The following HYDIN variants were observed in gnomAD, a reference collection of about 807,000 sequenced individuals.
The protein encoded by HYDIN is HYDIN axonemal central pair apparatus protein.
HYDIN carries 132 observed loss-of-function variants against 403.9 expected under a neutral mutation model. The observed-to-expected ratio is 0.33, with a 90% CI of 0.28 to 0.38. The LOEUF is 0.38. HYDIN is among the 10% of genes least tolerant of loss of function. HYDIN has a pLI of 1.00. For missense variants in HYDIN, 2,827 were observed against 5,009.5 expected (o/e 0.56, Z 13.15); for synonymous variants, 1,202 against 1,891.7 (o/e 0.64, Z 9.46).
At chr16:70,838,178 ATTTCTTTC>A (rs562861473) in intron 76 of HYDIN, among the ~76,000 whole-genome samples, 7 of 151,288 alleles carry the variant, frequency 4.6e-5, no homozygotes, top group South Asian at 2.1e-4. Context: ...CCGATTCTGT[ATTTCTTTC>A]TTTCTTTCTT....
At chr16:70,896,170 G>C (rs1288340272) in intron 53 of HYDIN, 90 bp from the exon 54 acceptor site, 9 of 1,518,008 alleles carry the variant, frequency 5.9e-6, no homozygotes, top group Non-Finnish European at 7.9e-6. Context: ...GGATACGGCA[G>C]GGAACGTTTT....
At position 70,934,320 on chromosome 16, in the gene HYDIN, G is replaced by T. The variant is rs531881883; in HGVS notation, c.7158+1632C>A. ...TGGGGTGCTTGTCGGGGGCACCAGG[G>T]TTGAAGAAAACTTTTTTTTTTTTCA... is the stretch of plus-strand genomic sequence containing the variant. On this transcript the variant is annotated intron_variant, in intron 45 of 85. Coordinates refer to ENST00000393567, the MANE Select transcript of HYDIN (RefSeq NM_001270974.2). Among the ~76,000 whole-genome samples the T allele has an allele frequency of 3.2e-3, 493 of 152,152 alleles. 2 individuals carry two copies. Among genetic ancestry groups the T allele is most frequent in the African/African-American group, 0.011 (465 of 41,494 alleles).
chr16:70,909,838 G>A (rs1485052995), intron 47 of HYDIN, among the ~76,000 whole-genome samples: 1 of 151,486 alleles, frequency 6.6e-6, no homozygotes, highest in African/African-American at 2.4e-5. Context: ...TGGGACTACA[G>A]GCGCCTGCCA....
intron 18 of HYDIN, among the ~76,000 whole-genome samples, chr16:71,054,345 C>T (rs2081788414): frequency 7.9e-6 from 1 of 126,498 alleles, no homozygotes; most frequent in South Asian, 2.8e-4. Context: ...GAGGGCAGAG[C>T]TAATCTACTC....
chr16:70,943,912 C>T lies in HYDIN; in HGVS notation c.6569G>A (p.Arg2190His), dbSNP rs776491989. The T allele has an allele frequency of 5.0e-6, 8 of 1,613,130 alleles. No individual in the cohort carries two copies. Among genetic ancestry groups the T allele is most frequent in the South Asian group, 4.4e-5 (4 of 90,848 alleles). ...SSPLPPGPIH[R>H]WLSVSPSVGG... ...GACACTGGGACTAACACTGAGCCAG[C>T]GGTGGATGGGCCCCGGGGGGAGAGG... is the stretch of plus-strand genomic sequence containing the variant. The change falls in exon 42 of 86, where the codon CGC becomes CAC. Residue 2190 changes from arginine to histidine, a missense_variant. By Grantham distance (29) the Arg-to-His change is conservative. Transcript: ENST00000393567.
At chr16:70,866,987 T>C (rs1354585052) in intron 66 of HYDIN, among the ~76,000 whole-genome samples, 1 of 144,634 alleles carries the variant, frequency 6.9e-6, no homozygotes, top group Non-Finnish European at 1.5e-5. Flanking sequence ...ATTGTGTCAC[T>C]GTATTCTGGC....
chr16:70,831,513 AAAAAAAAAAAAAAACC>A (rs1443671608), intron 80 of HYDIN, among the ~76,000 whole-genome samples: 7 of 146,672 alleles, frequency 4.8e-5, no homozygotes, highest in East Asian at 3.9e-4. Context: ...TGTCTCAGAA[AAAAAAAAAAAAAAACC>A]AAAAAAAAAA....
chr16:71,136,722 G>A (rs564432399), intron 8 of HYDIN, among the ~76,000 whole-genome samples: 48 of 144,938 alleles, frequency 3.3e-4, no homozygotes, highest in Non-Finnish European at 3.9e-4. Context: ...AGCTGAGATC[G>A]CGCCACTGCA....
chr16:70,970,826 A>G (rs1259732909), intron 35 of HYDIN, 67 bp from the exon 36 acceptor site: 2 of 1,512,840 alleles, frequency 1.3e-6, no homozygotes, highest in African/African-American at 2.8e-5. Context: ...AAAACAAAAC[A>G]CTGCTGAGGG....
At chr16:70,936,880 T>C (rs1391089456) in intron 44 of HYDIN, among the ~76,000 whole-genome samples, 1 of 151,486 alleles carries the variant, frequency 6.6e-6, no homozygotes, top group Non-Finnish European at 1.5e-5. Flanking sequence ...CTCAGAGCCA[T>C]GGTGCTCAGT....
At chr16:70,925,547 T>C (rs1442936442) in intron 45 of HYDIN, among the ~76,000 whole-genome samples, 1 of 152,184 alleles carries the variant, frequency 6.6e-6, no homozygotes, top group Non-Finnish European at 1.5e-5. Context: ...GACATAGGCA[T>C]GGGCAAGGGC....
intron 25 of HYDIN, among the ~76,000 whole-genome samples, chr16:70,990,723 T>A (rs916137158): frequency 2.0e-5 from 3 of 152,224 alleles, no homozygotes; most frequent in Non-Finnish European, 4.4e-5. Flanking sequence ...GATGGTTACA[T>A]GCTTTATGCA....
intron 83 of HYDIN, among the ~76,000 whole-genome samples, chr16:70,826,416 T>G (rs1307036153): frequency 6.6e-6 from 1 of 152,086 alleles, no homozygotes; most frequent in African/African-American, 2.4e-5. Context: ...CAATAGCTTA[T>G]CCTTATTTCA....
At chr16:71,055,833 G>A (rs1194639120) in intron 18 of HYDIN, among the ~76,000 whole-genome samples, 1 of 152,030 alleles carries the variant, frequency 6.6e-6, no homozygotes, top group East Asian at 1.9e-4. Context: ...GGTAGCCAAG[G>A]CTGAATTAGA....
At chr16:71,195,120 G>A (rs151077486) in intron 1 of HYDIN, among the ~76,000 whole-genome samples, 1 of 152,160 alleles carries the variant, frequency 6.6e-6, no homozygotes. Context: ...GAGCCATCTT[G>A]GAATCCATCT....
chr16:70,995,568 T>A (rs897366576), intron 23 of HYDIN, among the ~76,000 whole-genome samples: 3 of 152,194 alleles, frequency 2.0e-5, no homozygotes, highest in Admixed American at 2.0e-4. Flanking sequence ...TTCTTTCCTG[T>A]CCTTTCTTCA....
In HYDIN at chr16:70,874,890, T is replaced by G. The variant is rs760488223; in HGVS notation, c.10587A>C (p.Gly3529=). 1 of 1,608,930 alleles carries G rather than the reference T, an allele frequency of 6.2e-7. No individual in the cohort carries two copies. Among genetic ancestry groups the G allele is most frequent in the Non-Finnish European group, 8.5e-7 (1 of 1,178,398 alleles). ...QLHVDLQDEL[G]VFSLKGRPTT... The stretch of plus-strand genomic sequence containing the variant: ...TGGGCCTCCCTTTCAGGGAGAAGAC[T>G]CCTAGCTCATCCTGCAGGTCAACAT... Residue 3529 remains glycine, a synonymous_variant, in exon 63 of 86, where the codon GGA becomes GGC. Transcript: ENST00000393567.
intron 10 of HYDIN, among the ~76,000 whole-genome samples, chr16:71,098,128 C>T (rs2083328974): frequency 1.3e-5 from 2 of 152,036 alleles, no homozygotes; most frequent in Admixed American, 1.3e-4. Context: ...TCCATCCGAT[C>T]CCTGGAAAAG....
In HYDIN at chr16:70,992,065, C is replaced by T; in HGVS notation, c.3785+5G>A. 2.5e-6 allele frequency: 4 copies of T among 1,613,674 alleles called. No individual in the cohort carries two copies. The highest frequency in any genetic ancestry group is 3.4e-6 in the Non-Finnish European group (4 of 1,179,860). ...ACAAATAATCTATGTTGGCTTTGCA[C>T]TTACTTAACAAAATCATTTAAATCC... On this transcript the variant is annotated splice_donor_5th_base_variant and intron_variant, in intron 24 of 85. Transcript: ENST00000393567.
Sources: gnomAD v4.1 joint callset for allele counts (sites outside exome capture counted in the v4.1 genomes callset) on GRCh38, gnomAD v4.1.1 for gene constraint, MANE v1.5 for transcripts, NCBI Gene and HGNC (gene_info 2026-07-23, HGNC 2026-07-21) for gene names.